The following GXYLT2 variants were observed in gnomAD, a reference collection of about 807,000 sequenced individuals.
GXYLT2 encodes glucoside xylosyltransferase 2.
A neutral mutation model predicts 45.8 loss-of-function variants in GXYLT2; 53 were observed. The observed-to-expected ratio is 1.16, with a 90% CI of 0.93 to 1.46. The LOEUF is 1.46. Among genes scored for constraint, GXYLT2 ranks in the 40% most tolerant of loss-of-function variants. The pLI is 0.00. For missense variants in GXYLT2, 551 were observed against 544.4 expected, an observed-to-expected ratio of 1.01 and a Z score of -0.12; for synonymous variants, 219 against 214.2, an observed-to-expected ratio of 1.02 and a Z score of -0.19.
At chr3:72,896,745 AG>A (rs1173732974) in intron 1 of GXYLT2, among the ~76,000 whole-genome samples, 2 of 152,056 alleles carry the variant, frequency 1.3e-5, no homozygotes, top group African/African-American at 4.8e-5. Context: ...GCTACTCTGG[AG>A]GCTGAGGCAA....
chr3:72,951,178 T>A (rs538623874), intron 3 of GXYLT2, among the ~76,000 whole-genome samples: 70 of 149,908 alleles, frequency 4.7e-4, no homozygotes, highest in African/African-American at 1.7e-3. Flanking sequence ...AGATGCAATG[T>A]TATCAAAAAG....
At chr3:72,888,650 C>A in intron 1 of GXYLT2, 142 bp downstream of exon 1, 2 of 553,020 alleles carry the variant, frequency 3.6e-6, no homozygotes, top group Non-Finnish European at 4.8e-6. Context: ...TTTCTTAACC[C>A]GATAGAAAAG....
At chr3:72,954,431 G>GTT (rs1553709988) in intron 3 of GXYLT2, among the ~76,000 whole-genome samples, 5 of 150,114 alleles carry the variant, frequency 3.3e-5, no homozygotes, top group African/African-American at 1.2e-4. Context: ...GTGTGTGTGT[G>GTT]TGTATTTGTA....
intron 3 of GXYLT2, among the ~76,000 whole-genome samples, chr3:72,949,398 CT>C (rs1447357830): frequency 2.0e-5 from 3 of 151,728 alleles, no homozygotes; most frequent in African/African-American, 7.3e-5. Flanking sequence ...CTGCTTTGTG[CT>C]TCTGTGCTAA....
intron 3 of GXYLT2, among the ~76,000 whole-genome samples, chr3:72,942,823 A>C (rs78389524): frequency 0.011 from 1,636 of 152,302 alleles, 13 homozygotes; most frequent in Non-Finnish European, 0.017. Context: ...TGACAAATAA[A>C]TTCAGTGTTT....
chr3:72,966,878 G>A (rs1575818094), intron 5 of GXYLT2, among the ~76,000 whole-genome samples: 1 of 151,234 alleles, frequency 6.6e-6, no homozygotes, highest in Admixed American at 6.6e-5. Context: ...GCCTGCCTTG[G>A]CCTCCCAAAG....
intron 5 of GXYLT2, among the ~76,000 whole-genome samples, chr3:72,963,510 T>TTG (rs771846874): frequency 1.5e-4 from 22 of 150,512 alleles, no homozygotes; most frequent in Non-Finnish European, 2.7e-4. Context: ...GTTTTTTGTT[T>TTG]TTTTTTTTTT....
At chr3:72,934,200 T>C (rs1710134182) in intron 3 of GXYLT2, among the ~76,000 whole-genome samples, 1 of 150,906 alleles carries the variant, frequency 6.6e-6, no homozygotes, top group Admixed American at 6.6e-5. Context: ...TCCTTCCATC[T>C]CAGCCTCTGG....
At chr3:72,961,187 G>C (rs1257536325) in intron 5 of GXYLT2, among the ~76,000 whole-genome samples, 1 of 152,124 alleles carries the variant, frequency 6.6e-6, no homozygotes, top group African/African-American at 2.4e-5. Flanking sequence ...TTCATCAAGG[G>C]GTGGAAAACT....
chr3:72,928,624 G>A (rs767663387), intron 3 of GXYLT2, among the ~76,000 whole-genome samples: 12 of 152,078 alleles, frequency 7.9e-5, no homozygotes, highest in Non-Finnish European at 1.8e-4. Context: ...TAAACCATAG[G>A]CCAGTTAGTT....
chr3:72,940,324 G>A (rs1318309028), intron 3 of GXYLT2, among the ~76,000 whole-genome samples: 1 of 152,132 alleles, frequency 6.6e-6, no homozygotes, highest in East Asian at 1.9e-4. Flanking sequence ...ATCTCATGGA[G>A]CTTATATCCA....
intron 1 of GXYLT2, among the ~76,000 whole-genome samples, chr3:72,895,010 G>C (rs1463737872): frequency 1.3e-5 from 2 of 152,190 alleles, no homozygotes; most frequent in Non-Finnish European, 2.9e-5. Context: ...TCAGCCTCTT[G>C]AACCTGGTGC....
intron 1 of GXYLT2, among the ~76,000 whole-genome samples, chr3:72,898,372 A>T (rs1252091550): frequency 6.6e-6 from 1 of 152,170 alleles, no homozygotes; most frequent in Non-Finnish European, 1.5e-5. Flanking sequence ...ACAGCCATTT[A>T]TTTCAAACTA....
intron 3 of GXYLT2, among the ~76,000 whole-genome samples, chr3:72,937,928 CT>C (rs1287766588): frequency 6.6e-6 from 1 of 151,980 alleles, no homozygotes; most frequent in Non-Finnish European, 1.5e-5. Flanking sequence ...TATTTTTTCG[CT>C]TTTCTCAGGA....
At chr3:72,925,914 C>T (rs1231891479) in intron 3 of GXYLT2, among the ~76,000 whole-genome samples, 1 of 152,162 alleles carries the variant, frequency 6.6e-6, no homozygotes, top group East Asian at 1.9e-4. Context: ...TTGTGGTTGA[C>T]AGGACATTTA....
intron 3 of GXYLT2, among the ~76,000 whole-genome samples, chr3:72,949,502 CTTTTTTTTTTTTTTT>C (rs56323434): frequency 3.2e-4 from 23 of 72,614 alleles, no homozygotes; most frequent in African/African-American, 1.1e-3. Flanking sequence ...CTTTCTTTTT[CTTTTTTTTTTTTTTT>C]TTTTTTTTTT....
intron 1 of GXYLT2, among the ~76,000 whole-genome samples, chr3:72,905,529 G>A (rs1347847751): frequency 1.3e-5 from 2 of 151,960 alleles, no homozygotes; most frequent in East Asian, 3.9e-4. Flanking sequence ...TTTCTCCTTT[G>A]CATAGTCACT....
chr3:72,912,619 A>G (rs1709654544), intron 2 of GXYLT2, among the ~76,000 whole-genome samples: 1 of 152,222 alleles, frequency 6.6e-6, no homozygotes, highest in Non-Finnish European at 1.5e-5. Flanking sequence ...AAAAAAGGAT[A>G]CAGCTTCTGC....
In GXYLT2 at chr3:72,949,986, C is replaced by G. The variant is rs140451483; in HGVS notation, c.601-5112C>G. Among the ~76,000 whole-genome samples, 155 of 152,090 alleles carry G rather than the reference C, an allele frequency of 1.0e-3. 6 individuals are homozygous for G. In the East Asian group the frequency reaches 0.021, roughly 21 times the overall value. Reference sequence around the variant, plus strand: ...ACATCATCTCATTTAATCATCCTGGCAGCATTATGAAATGGGTTATCAATC... The same window carrying G: ...ACATCATCTCATTTAATCATCCTGGGAGCATTATGAAATGGGTTATCAATC... On this transcript the variant is annotated intron_variant, in intron 3 of 6. Coordinates refer to ENST00000389617, the MANE Select transcript of GXYLT2 (RefSeq NM_001080393.2).
Sources: gnomAD v4.1 joint callset for allele counts (sites outside exome capture counted in the v4.1 genomes callset) on GRCh38, gnomAD v4.1.1 for gene constraint, MANE v1.5 for transcripts, NCBI Gene and HGNC (gene_info 2026-07-23, HGNC 2026-07-21) for gene names.